SLC4A4: variants seen among roughly 807,000 people sequenced by gnomAD.
SLC4A4 encodes solute carrier family 4 member 4.
In SLC4A4, 27 loss-of-function variants were observed where a neutral mutation model predicts 111.5. That is an observed-to-expected ratio of 0.24 (90% confidence interval 0.18 to 0.33). The LOEUF is 0.33. SLC4A4 is among the 10% of genes least tolerant of loss of function. The pLI is 1.00. For synonymous variants in SLC4A4, 443 were observed against 463.4 expected (o/e 0.96, Z 0.57); for missense variants, 909 against 1,315.5 (o/e 0.69, Z 4.78).
At chr4:71,344,183 T>C (rs527463153) in intron 4 of SLC4A4, among the ~76,000 whole-genome samples, 2 of 152,286 alleles carry the variant, frequency 1.3e-5, no homozygotes, top group East Asian at 1.9e-4. Flanking sequence ...TGCCTGAAAC[T>C]ACCTGGCACA....
At chr4:71,469,633 C>G (rs2149104076) in intron 13 of SLC4A4, among the ~76,000 whole-genome samples, 1 of 151,978 alleles carries the variant, frequency 6.6e-6, no homozygotes, top group South Asian at 2.1e-4. Context: ...AATTTGGCAC[C>G]AAGGGAATTT....
intron 6 of SLC4A4, among the ~76,000 whole-genome samples, chr4:71,384,642 CAAA>C (rs773419796): frequency 2.1e-4 from 13 of 61,426 alleles, no homozygotes; most frequent in Admixed American, 3.8e-4. Context: ...TCCCTCCCAC[CAAA>C]AAAAAAAAAA....
chr4:71,533,713 T>C (rs1228151243), intron 17 of SLC4A4, among the ~76,000 whole-genome samples: 1 of 152,044 alleles, frequency 6.6e-6, no homozygotes, highest in African/African-American at 2.4e-5. Context: ...TATGGCTTTT[T>C]ATATATATTA....
chr4:71,178,521 G>C (rs1560761190), intron 2 of SLC4A4, among the ~76,000 whole-genome samples: 1 of 152,024 alleles, frequency 6.6e-6, no homozygotes, highest in Non-Finnish European at 1.5e-5. Context: ...TGATAAAGGG[G>C]ATATCACCAC....
intron 3 of SLC4A4, among the ~76,000 whole-genome samples, chr4:71,298,624 A>G (rs1220068940): frequency 6.6e-6 from 1 of 152,262 alleles, no homozygotes; most frequent in African/African-American, 2.4e-5. Flanking sequence ...TACACAGTCA[A>G]CAACATAGGA....
intron 15 of SLC4A4, among the ~76,000 whole-genome samples, chr4:71,496,648 TG>T (rs1730434749): frequency 6.6e-6 from 1 of 152,014 alleles, no homozygotes; most frequent in Admixed American, 6.6e-5. Context: ...AACTGGGGGA[TG>T]GGTGTGCTGG....
intron 7 of SLC4A4, among the ~76,000 whole-genome samples, chr4:71,424,668 A>C (rs1328201597): frequency 6.6e-6 from 1 of 152,132 alleles, no homozygotes; most frequent in Non-Finnish European, 1.5e-5. Flanking sequence ...GCCATAAAAA[A>C]TGATGAGTTC....
intron 1 of SLC4A4, among the ~76,000 whole-genome samples, chr4:71,084,526 G>A (rs1055602642): frequency 6.6e-6 from 1 of 151,856 alleles, no homozygotes; most frequent in Non-Finnish European, 1.5e-5. Context: ...TTAACATTAG[G>A]TATATCTCCT....
At chr4:71,445,375 A>G (rs1725131905) in intron 8 of SLC4A4, among the ~76,000 whole-genome samples, 1 of 152,176 alleles carries the variant, frequency 6.6e-6, no homozygotes, top group Non-Finnish European at 1.5e-5. Flanking sequence ...CAACCTGATA[A>G]TTAACTCATT....
At chr4:71,257,520 T>A (rs1392016657) in intron 3 of SLC4A4, among the ~76,000 whole-genome samples, 1 of 152,152 alleles carries the variant, frequency 6.6e-6, no homozygotes, top group Non-Finnish European at 1.5e-5. Context: ...TTTTTGCACC[T>A]AGATATAGAA....
Position 71,228,370 on chromosome 4 carries a change from G to A in SLC4A4, c.-1-8206G>A, listed in dbSNP as rs931445415. Among the ~76,000 whole-genome samples, 4 of 152,166 alleles carry A rather than the reference G, an allele frequency of 2.6e-5. No homozygotes were observed. The East Asian group carries it at 7.7e-4, about 29-fold the overall frequency. ...CCCCAGTCAAAAATCCCGTGCATTT[G>A]CTCATGAGACAGAATCATGACCTCT... On this transcript the variant is annotated intron_variant, in intron 1 of 25. Transcript: ENST00000264485.
chr4:71,546,349 G>C lies in SLC4A4; in HGVS notation c.2443-1G>C. 1 of 1,611,774 alleles carries C rather than the reference G, an allele frequency of 6.2e-7. No individual in the cohort carries two copies. Among genetic ancestry groups the C allele is most frequent in the Non-Finnish European group, 8.5e-7 (1 of 1,178,228 alleles). ...CATGGTTTTGTTATCTCTTTCTACA[G>C]AAAGGAGCAGGGTATCACTTGGATC... On this transcript the variant is annotated splice_acceptor_variant, in intron 18 of 25. Transcript: ENST00000264485. LOFTEE classifies it high-confidence loss of function.
At chr4:71,537,384 A>ATG (rs72348490) in intron 18 of SLC4A4, among the ~76,000 whole-genome samples, 9 of 77,300 alleles carry the variant, frequency 1.2e-4, no homozygotes, top group East Asian at 2.7e-4. Context: ...ATATATACAT[A>ATG]TGTGTGTGTA....
intron 1 of SLC4A4, among the ~76,000 whole-genome samples, chr4:71,193,452 C>T (rs1745845947): frequency 6.6e-6 from 1 of 152,232 alleles, no homozygotes; most frequent in African/African-American, 2.4e-5. Context: ...AGCCACCGCG[C>T]CCGGCCCATG....
At chr4:71,084,610 T>C (rs1201453073) in intron 1 of SLC4A4, among the ~76,000 whole-genome samples, 1 of 152,080 alleles carries the variant, frequency 6.6e-6, no homozygotes, top group Middle Eastern at 3.4e-3. Flanking sequence ...TGTGTCCATG[T>C]GTTCTCATTG....
intron 1 of SLC4A4, among the ~76,000 whole-genome samples, chr4:71,201,425 A>G (rs1189206376): frequency 6.6e-6 from 1 of 152,218 alleles, no homozygotes; most frequent in African/African-American, 2.4e-5. Context: ...GAGCGTCATC[A>G]ATGAACACTC....
rs1485395919 is a variant in SLC4A4, at chr4:71,449,674, A to G, written c.1054-715A>G. 3.7e-4 allele frequency among the ~76,000 whole-genome samples: 56 copies of G among 152,216 alleles called. 1 individual carries two copies. The highest frequency in any genetic ancestry group is 3.7e-3 in the Admixed American group (56 of 15,280). On this transcript the variant is annotated intron_variant, in intron 9 of 25. Transcript: ENST00000264485. ...GAATTTGACTTATGAAGTATGAAAG[A>G]CTTAGGTTATATGTAAAGAAATTTC...
intron 1 of SLC4A4, among the ~76,000 whole-genome samples, chr4:71,080,439 G>A (rs560532725): frequency 1.3e-4 from 20 of 152,084 alleles, no homozygotes; most frequent in South Asian, 2.1e-4. Context: ...GAGTGCCTGC[G>A]CTTTCAATAA....
At chr4:71,417,750 CTTAA>C (rs1721950838) in intron 7 of SLC4A4, among the ~76,000 whole-genome samples, 1 of 152,070 alleles carries the variant, frequency 6.6e-6, no homozygotes, top group Non-Finnish European at 1.5e-5. Context: ...ATTGTAGATA[CTTAA>C]TTAACACTGT....
Sources: allele counts gnomAD v4.1 joint callset (sites outside exome capture counted in the v4.1 genomes callset), GRCh38; gene constraint gnomAD v4.1.1; transcripts MANE v1.5; gene names NCBI Gene and HGNC (gene_info 2026-07-23, HGNC 2026-07-21).